The following GALNTL6 variants were observed in gnomAD, a reference collection of about 807,000 sequenced individuals.
GALNTL6 encodes the protein polypeptide N-acetylgalactosaminyltransferase-like 6.
In GALNTL6, 46 loss-of-function variants were observed where a neutral mutation model predicts 73.7. That is an observed-to-expected ratio of 0.62 (90% CI 0.49 to 0.80). GALNTL6 has a LOEUF of 0.80. Ranked by LOEUF, GALNTL6 falls within the 30% of genes least tolerant of loss-of-function variation. GALNTL6 has a pLI of 0.00. For synonymous variants in GALNTL6, 259 were observed against 263.7 expected (o/e 0.98, Z 0.17); for missense variants, 604 against 755.0 (o/e 0.80, Z 2.34).
chr4:172,504,846 A>G lies in GALNTL6; in HGVS notation c.553+156157A>G, dbSNP rs1333775380. 3.6e-5 allele frequency among the ~76,000 whole-genome samples: 2 copies of G among 55,252 alleles called. 1 individual carries two copies. Among genetic ancestry groups the G allele is most frequent in the African/African-American group, 9.0e-5 (2 of 22,168 alleles). 36.2% of individuals were successfully genotyped at this position (55,252 alleles called of 152,430 possible). A position where few individuals can be genotyped will look rare whatever the true frequency, so the allele number is the denominator to read the frequency against. On this transcript the variant is annotated intron_variant, in intron 5 of 12. Transcript: ENST00000506823. ...TGTATATTCTTCAGAAAATACAGAC[A>G]TTTTGGAAACACATTTGTGTAAGTT... is the stretch of plus-strand genomic sequence containing the variant.
At chr4:172,115,644 G>A (rs1732966015) in intron 2 of GALNTL6, among the ~76,000 whole-genome samples, 1 of 152,054 alleles carries the variant, frequency 6.6e-6, no homozygotes. Flanking sequence ...TTAGAACAGA[G>A]CCACTATTAT....
At chr4:172,547,927 C>T (rs1735830513) in intron 5 of GALNTL6, among the ~76,000 whole-genome samples, 1 of 152,234 alleles carries the variant, frequency 6.6e-6, no homozygotes, top group South Asian at 2.1e-4. Flanking sequence ...CAGTAAAGAG[C>T]CCCAGTGGTA....
chr4:172,099,034 C>A (rs1374070143), intron 2 of GALNTL6, among the ~76,000 whole-genome samples: 2 of 152,134 alleles, frequency 1.3e-5, no homozygotes, highest in East Asian at 1.9e-4. Flanking sequence ...GTTCTGGATA[C>A]CACACCTAAA....
At chr4:172,508,804 A>G (rs1840427) in intron 5 of GALNTL6, among the ~76,000 whole-genome samples, 31,050 of 46,770 alleles carry the variant, frequency 0.66, 14,986 homozygotes, top group Non-Finnish European at 0.99. Flanking sequence ...TAATCAACTC[A>G]TTGATTGATG....
intron 5 of GALNTL6, among the ~76,000 whole-genome samples, chr4:172,588,082 A>G (rs1737489279): frequency 6.6e-6 from 1 of 152,184 alleles, no homozygotes; most frequent in African/African-American, 2.4e-5. Flanking sequence ...TAGCAAATTA[A>G]GCAACGTAGC....
chr4:172,663,755 C>T (rs1266851595), intron 5 of GALNTL6, among the ~76,000 whole-genome samples: 1 of 152,024 alleles, frequency 6.6e-6, no homozygotes, highest in African/African-American at 2.4e-5. Flanking sequence ...AGGGCGAAAC[C>T]CCATCTCTAC....
chr4:171,853,815 T>G (rs963693976), intron 2 of GALNTL6, among the ~76,000 whole-genome samples: 4 of 151,972 alleles, frequency 2.6e-5, no homozygotes, highest in Admixed American at 1.3e-4. Context: ...TTTCACCATG[T>G]TGGCCAGGCT....
chr4:172,371,964 G>T (rs370636372), intron 5 of GALNTL6, among the ~76,000 whole-genome samples: 4 of 152,184 alleles, frequency 2.6e-5, no homozygotes. Flanking sequence ...GGGCATGTAG[G>T]ATTAGATAAG....
At chr4:172,893,637 C>A (rs1746168609) in intron 8 of GALNTL6, among the ~76,000 whole-genome samples, 1 of 152,186 alleles carries the variant, frequency 6.6e-6, no homozygotes, top group African/African-American at 2.4e-5. Context: ...AGATGCACCC[C>A]CGTCCCACGG....
At chr4:171,903,931 G>A (rs1737190565) in intron 2 of GALNTL6, among the ~76,000 whole-genome samples, 1 of 152,072 alleles carries the variant, frequency 6.6e-6, no homozygotes, top group Non-Finnish European at 1.5e-5. Context: ...GCAGCTGAGG[G>A]TCCTCTCTGT....
chr4:172,188,810 A>G (rs6553616), intron 2 of GALNTL6, among the ~76,000 whole-genome samples: 65,710 of 151,936 alleles, frequency 0.43, 14,951 homozygotes, highest in African/African-American at 0.57. Flanking sequence ...GGAAGAGTGT[A>G]GGGACTCAGA....
At chr4:172,845,204 G>A (rs569010988) in intron 7 of GALNTL6, among the ~76,000 whole-genome samples, 3 of 135,964 alleles carry the variant, frequency 2.2e-5, no homozygotes, top group South Asian at 2.5e-4. Context: ...GTGGCAGAGC[G>A]AGTCTCTGTC....
chr4:172,315,719 G>C (rs753369769), intron 4 of GALNTL6, among the ~76,000 whole-genome samples: 1 of 151,410 alleles, frequency 6.6e-6, no homozygotes, highest in Non-Finnish European at 1.5e-5. Context: ...ATGTTGAAAA[G>C]AATTTTACAA....
In GALNTL6 at chr4:172,844,856, A is replaced by G. The variant is rs117359092; in HGVS notation, c.923+31133A>G. Reference sequence around the variant, plus strand: ...GGAAAAAGTTACAAGTTTTGCATAGAAGCAAAATGAAAAGAAAAAAAGTCC... The same window carrying G: ...GGAAAAAGTTACAAGTTTTGCATAGGAGCAAAATGAAAAGAAAAAAAGTCC... On this transcript the variant is annotated intron_variant, in intron 7 of 12. Coordinates refer to ENST00000506823, the MANE Select transcript of GALNTL6 (RefSeq NM_001034845.3). 3.2e-3 allele frequency among the ~76,000 whole-genome samples: 482 copies of G among 152,306 alleles called. 5 individuals carry two copies. The highest frequency in any genetic ancestry group is 0.024 in the Admixed American group (364 of 15,292).
Position 171,819,226 on chromosome 4 carries a change from G to A in GALNTL6, c.138+4508G>A, listed in dbSNP as rs1324622491. Reference sequence around the variant, plus strand: ...TTTTAAATTAGGGTTTTAAAGGACCGTTTCTGGAATTTATGGAAAATGCAT... The same window carrying A: ...TTTTAAATTAGGGTTTTAAAGGACCATTTCTGGAATTTATGGAAAATGCAT... On this transcript the variant is annotated intron_variant, in intron 2 of 12. Transcript: ENST00000506823. 3.9e-5 allele frequency among the ~76,000 whole-genome samples: 6 copies of A among 152,014 alleles called. 1 individual carries two copies. The East Asian group carries it at 5.8e-4, about 15-fold the overall frequency.
At chr4:171,933,665 A>G (rs998288193) in intron 2 of GALNTL6, among the ~76,000 whole-genome samples, 4 of 152,140 alleles carry the variant, frequency 2.6e-5, no homozygotes, top group Non-Finnish European at 5.9e-5. Flanking sequence ...CAGTTAACAA[A>G]CGATTATGAT....
At chr4:172,628,813 CT>C (rs1560844080) in intron 5 of GALNTL6, among the ~76,000 whole-genome samples, 1 of 151,980 alleles carries the variant, frequency 6.6e-6, no homozygotes, top group African/African-American at 2.4e-5. Flanking sequence ...GCAAAGTAAA[CT>C]TTTTTATATT....
intron 8 of GALNTL6, among the ~76,000 whole-genome samples, chr4:172,896,914 G>C (rs1746360652): frequency 6.6e-6 from 1 of 151,102 alleles, no homozygotes; most frequent in Non-Finnish European, 1.5e-5. Flanking sequence ...TAGCATGCCT[G>C]TCAAAATGGC....
At chr4:172,843,292 C>T (rs796184768) in intron 7 of GALNTL6, among the ~76,000 whole-genome samples, 53 of 152,358 alleles carry the variant, frequency 3.5e-4, no homozygotes, top group African/African-American at 1.2e-3. Flanking sequence ...TGTTCTGCCT[C>T]TTTCCAAGAT....
Sources: allele counts gnomAD v4.1 joint callset (sites outside exome capture counted in the v4.1 genomes callset), GRCh38; gene constraint gnomAD v4.1.1; transcripts MANE v1.5; gene names NCBI Gene and HGNC (gene_info 2026-07-23, HGNC 2026-07-21).